The following CRACD variants were observed in gnomAD, a reference collection of about 807,000 sequenced individuals.
CRACD encodes the protein capping protein-inhibiting regulator of actin dynamics.
In CRACD, 56 loss-of-function variants were observed where a neutral mutation model predicts 106.8. That is an observed-to-expected ratio of 0.52 (90% CI 0.42 to 0.66). CRACD has a LOEUF of 0.66. Among genes scored for constraint, CRACD ranks in the 30% least tolerant of loss-of-function variants. The probability of loss-of-function intolerance (pLI) is 0.00; values close to 1 mark genes in which losing one functional copy is unlikely to be tolerated. For missense variants in CRACD, 1,730 were observed against 1,623.2 expected (o/e 1.07, Z -1.13); for synonymous variants, 754 against 670.8 (o/e 1.12, Z -1.92).
chr4:56,107,918 C>T (rs1734001849), intron 1 of CRACD, among the ~76,000 whole-genome samples: 1 of 152,120 alleles, frequency 6.6e-6, no homozygotes, highest in African/African-American at 2.4e-5. Context: ...TTTTCATTTC[C>T]TCTTTAACAA....
At chr4:56,142,913 T>C (rs1213535576) in intron 1 of CRACD, among the ~76,000 whole-genome samples, 1 of 152,112 alleles carries the variant, frequency 6.6e-6, no homozygotes, top group Non-Finnish European at 1.5e-5. Flanking sequence ...ATTACTGTTC[T>C]GGTACCACAT....
intron 2 of CRACD, among the ~76,000 whole-genome samples, chr4:56,232,976 GC>G (rs1186650639): frequency 6.6e-6 from 1 of 151,938 alleles, no homozygotes; most frequent in East Asian, 1.9e-4. Flanking sequence ...TGACCCACCT[GC>G]CTCAGCATCC....
intron 1 of CRACD, among the ~76,000 whole-genome samples, chr4:56,162,209 T>C (rs1490510121): frequency 1.3e-5 from 2 of 151,808 alleles, no homozygotes; most frequent in Non-Finnish European, 2.9e-5. Context: ...ATTATTTTTT[T>C]TTAGAAACAG....
intron 1 of CRACD, among the ~76,000 whole-genome samples, chr4:56,080,275 T>C (rs1732978445): frequency 6.6e-6 from 1 of 152,214 alleles, no homozygotes; most frequent in Admixed American, 6.5e-5. Flanking sequence ...TAGTGTTTGC[T>C]TACCTCTGGA....
chr4:56,267,062 A>G (rs1742062698), intron 2 of CRACD, among the ~76,000 whole-genome samples: 1 of 152,222 alleles, frequency 6.6e-6, no homozygotes, highest in South Asian at 2.1e-4. Flanking sequence ...ATGCTAGAAA[A>G]TTGATCAAGT....
intron 1 of CRACD, among the ~76,000 whole-genome samples, chr4:56,141,682 A>ATTT (rs1171920777): frequency 0.017 from 1,417 of 82,682 alleles, 79 homozygotes; most frequent in African/African-American, 0.021. Context: ...AGGAAGTACT[A>ATTT]TTTTTTTTTT....
intron 4 of CRACD, among the ~76,000 whole-genome samples, chr4:56,299,067 C>T (rs564853326): frequency 5.9e-5 from 9 of 152,272 alleles, no homozygotes; most frequent in Admixed American, 2.6e-4. Flanking sequence ...ATCCACTTTC[C>T]GAGTCTCTGT....
chr4:56,187,970 G>T (rs1403228305), intron 2 of CRACD, among the ~76,000 whole-genome samples: 1 of 152,098 alleles, frequency 6.6e-6, no homozygotes, highest in Admixed American at 6.5e-5. Flanking sequence ...TAAGCTTCTT[G>T]AAATAAATGA....
Position 56,188,909 on chromosome 4 carries a change from C to T in CRACD, c.-189+9479C>T, listed in dbSNP as rs192294412. On this transcript the variant is annotated intron_variant, in intron 2 of 10. Transcript: ENST00000682029. ...ATAATGGGCTGGGTGCGGTAGCTCA[C>T]GCCTGTAATCCCAGTACTTCGGAAG... Among the ~76,000 whole-genome samples, 691 of 152,142 alleles carry T rather than the reference C, an allele frequency of 4.5e-3. 14 individuals are homozygous for T. Among genetic ancestry groups the T allele is most frequent in the Admixed American group, 0.04 (616 of 15,292 alleles).
chr4:56,306,521 A>C (rs1744715903), intron 4 of CRACD, among the ~76,000 whole-genome samples: 1 of 152,084 alleles, frequency 6.6e-6, no homozygotes, highest in South Asian at 2.1e-4. Context: ...TCAAACAAAC[A>C]AACAAACAAA....
At chr4:56,123,505 G>A (rs1007041608) in intron 1 of CRACD, among the ~76,000 whole-genome samples, 1 of 152,164 alleles carries the variant, frequency 6.6e-6, no homozygotes, top group African/African-American at 2.4e-5. Context: ...TCTAATCCCA[G>A]TTGCCTTCCA....
intron 2 of CRACD, among the ~76,000 whole-genome samples, chr4:56,208,955 C>T (rs1040399863): frequency 3.9e-5 from 6 of 151,960 alleles, no homozygotes; most frequent in African/African-American, 1.5e-4. Flanking sequence ...AGAAAGACAG[C>T]GTGAGGCAGA....
chr4:56,077,483 A>G (rs1001791966), intron 1 of CRACD, among the ~76,000 whole-genome samples: 8 of 152,246 alleles, frequency 5.3e-5, no homozygotes, highest in Non-Finnish European at 1.2e-4. Context: ...TTGTTACCAA[A>G]GGATTTAATG....
chr4:56,146,752 G>A (rs1036553038), intron 1 of CRACD, among the ~76,000 whole-genome samples: 1 of 152,182 alleles, frequency 6.6e-6, no homozygotes, highest in African/African-American at 2.4e-5. Flanking sequence ...GCCTTAAAGT[G>A]TGTAATTCAA....
chr4:56,229,297 C>T (rs1275202531), intron 2 of CRACD, among the ~76,000 whole-genome samples: 6 of 152,036 alleles, frequency 3.9e-5, no homozygotes, highest in Non-Finnish European at 1.5e-5. Flanking sequence ...GCCCTTTTTG[C>T]CTGGAGCCCC....
chr4:56,062,844 G>A (rs1036596490), intron 1 of CRACD, among the ~76,000 whole-genome samples: 4 of 152,118 alleles, frequency 2.6e-5, no homozygotes, highest in African/African-American at 9.7e-5. Flanking sequence ...ATGTATTTCT[G>A]TTCTTTCTTC....
At chr4:56,167,370 A>G (rs1193433150) in intron 1 of CRACD, among the ~76,000 whole-genome samples, 1 of 152,228 alleles carries the variant, frequency 6.6e-6, no homozygotes, top group Non-Finnish European at 1.5e-5. Context: ...TTATAATTGT[A>G]TATATGTATG....
intron 2 of CRACD, among the ~76,000 whole-genome samples, chr4:56,217,003 GAA>G (rs74605138): frequency 0.01 from 1,131 of 112,844 alleles, 17 homozygotes; most frequent in African/African-American, 0.034. Flanking sequence ...AAAAAAAAAA[GAA>G]AAAAAAAAAA....
At chr4:56,197,750 T>C (rs1178109067) in intron 2 of CRACD, among the ~76,000 whole-genome samples, 1 of 151,988 alleles carries the variant, frequency 6.6e-6, no homozygotes, top group Non-Finnish European at 1.5e-5. Flanking sequence ...GGATCTCTGC[T>C]CACTGCAAGC....
Sources: gnomAD v4.1 joint callset for allele counts (sites outside exome capture counted in the v4.1 genomes callset) on GRCh38, gnomAD v4.1.1 for gene constraint, MANE v1.5 for transcripts, NCBI Gene and HGNC (gene_info 2026-07-23, HGNC 2026-07-21) for gene names.